SH3RF3: variants seen among roughly 807,000 people sequenced by gnomAD.
The protein encoded by SH3RF3 is E3 ubiquitin-protein ligase SH3RF3.
SH3RF3 carries 29 observed loss-of-function variants against 66.3 expected under a neutral mutation model. The ratio of observed to expected loss-of-function variants is 0.44; its 90% confidence interval spans 0.33 to 0.60. The LOEUF is 0.60. SH3RF3 is among the 20% of genes least tolerant of loss of function. The probability of loss-of-function intolerance (pLI) is 0.04; values close to 1 mark genes in which losing one functional copy is unlikely to be tolerated. For synonymous variants in SH3RF3, 583 were observed against 532.0 expected (o/e 1.10, Z -1.32); for missense variants, 1,194 against 1,190.9 (o/e 1.00, Z -0.04).
intron 1 of SH3RF3, among the ~76,000 whole-genome samples, chr2:109,130,751 C>T (rs1034934757): frequency 2.6e-5 from 4 of 152,142 alleles, no homozygotes; most frequent in Admixed American, 1.3e-4. Context: ...TGCATTCCCA[C>T]GGGGGTCATT....
chr2:109,454,225 C>T (rs746383879), intron 8 of SH3RF3, among the ~76,000 whole-genome samples: 5 of 152,188 alleles, frequency 3.3e-5, no homozygotes, highest in Non-Finnish European at 7.3e-5. Context: ...ATTTCTGTAG[C>T]TGTTCACATG....
intron 1 of SH3RF3, among the ~76,000 whole-genome samples, chr2:109,134,119 A>G (rs1394811560): frequency 1.5e-4 from 23 of 152,182 alleles, no homozygotes; most frequent in Admixed American, 1.5e-3. Flanking sequence ...GGGCACTTTG[A>G]CATATATCAC....
At position 109,490,747 on chromosome 2, in the gene SH3RF3, T is replaced by C; in HGVS notation, c.2291T>C (p.Val764Ala). The change falls in exon 9 of 10, where the codon GTG (valine) becomes GCG (alanine). Residue 764 changes from valine (V) to alanine (A), a missense_variant. Physicochemically the swap from Val to Ala is moderately conservative, Grantham distance 64. Transcript: ENST00000309415. ...ALLQGAVGPE[V>A]SSLSIHGRAG... ...CTCCAAGGTGCAGTGGGCCCCGAAG[T>C]GTCCTCACTGTCCATCCACGGCAGG... 2 of 1,536,286 alleles carry C rather than the reference T, an allele frequency of 1.3e-6. No individual in the cohort carries two copies. Among genetic ancestry groups the C allele is most frequent in the Non-Finnish European group, 1.7e-6 (2 of 1,146,286 alleles).
At chr2:109,474,478 C>G (rs571487987) in intron 8 of SH3RF3, among the ~76,000 whole-genome samples, 4 of 152,186 alleles carry the variant, frequency 2.6e-5, no homozygotes, top group African/African-American at 9.6e-5. Context: ...CAGAGCAGGC[C>G]ATGATCCCTG....
intron 1 of SH3RF3, among the ~76,000 whole-genome samples, chr2:109,337,048 T>C (rs988801731): frequency 6.6e-6 from 1 of 152,260 alleles, no homozygotes; most frequent in African/African-American, 2.4e-5. Context: ...GCTTAACATT[T>C]TTTAACATAA....
At chr2:109,253,196 T>C (rs1680136106) in intron 1 of SH3RF3, among the ~76,000 whole-genome samples, 1 of 151,988 alleles carries the variant, frequency 6.6e-6, no homozygotes, top group South Asian at 2.1e-4. Context: ...CCTGGCTAGT[T>C]TTTGTATTTT....
chr2:109,179,880 T>C (rs907294930), intron 1 of SH3RF3, among the ~76,000 whole-genome samples: 4 of 152,186 alleles, frequency 2.6e-5, no homozygotes, highest in Admixed American at 1.3e-4. Flanking sequence ...GTGCTCCTTA[T>C]CGCAGGAAAA....
At chr2:109,213,254 G>A (rs1679033939) in intron 1 of SH3RF3, among the ~76,000 whole-genome samples, 1 of 152,142 alleles carries the variant, frequency 6.6e-6, no homozygotes, top group African/African-American at 2.4e-5. Flanking sequence ...ATGTACTCAG[G>A]ACATGGCTCT....
At chr2:109,156,027 A>T (rs897277275) in intron 1 of SH3RF3, among the ~76,000 whole-genome samples, 1 of 152,126 alleles carries the variant, frequency 6.6e-6, no homozygotes, top group Admixed American at 6.5e-5. Context: ...CACTGGGGTC[A>T]TTTTGCCCCT....
intron 1 of SH3RF3, among the ~76,000 whole-genome samples, chr2:109,320,476 T>G (rs1317231477): frequency 2.6e-5 from 4 of 152,164 alleles, no homozygotes; most frequent in Non-Finnish European, 5.9e-5. Context: ...TCCTCACGTC[T>G]TCTTAACCAA....
chr2:109,434,615 T>G (rs1677348344), intron 6 of SH3RF3, among the ~76,000 whole-genome samples: 1 of 152,144 alleles, frequency 6.6e-6, no homozygotes, highest in South Asian at 2.1e-4. Context: ...AAGAGCTGGG[T>G]CCTAAGTCCA....
At position 109,391,921 on chromosome 2, in the gene SH3RF3, G is replaced by C. The variant is rs1199937354; in HGVS notation, c.946-6669G>C. 2.0e-5 allele frequency among the ~76,000 whole-genome samples: 3 copies of C among 151,938 alleles called. No homozygotes were observed. The South Asian group carries it at 6.2e-4, about 32-fold the overall frequency. ...GTGGCGTGACCTCTCAGGCTCAAGC[G>C]ATCCTCCCACCTCAGCCTCCTGAGT... On this transcript the variant is annotated intron_variant, in intron 3 of 9. Coordinates refer to ENST00000309415, the MANE Select transcript of SH3RF3 (RefSeq NM_001099289.3).
At chr2:109,227,141 G>T (rs756483836) in intron 1 of SH3RF3, among the ~76,000 whole-genome samples, 1 of 152,194 alleles carries the variant, frequency 6.6e-6, no homozygotes, top group Admixed American at 6.5e-5. Context: ...CTCCGGCTGA[G>T]TGAACTGATG....
chr2:109,372,770 G>C (rs988992398), intron 3 of SH3RF3, among the ~76,000 whole-genome samples: 12 of 152,174 alleles, frequency 7.9e-5, no homozygotes, highest in Admixed American at 4.6e-4. Flanking sequence ...ACTCAGCTCA[G>C]TGCTGGGCTC....
rs947391896 is a variant in SH3RF3, at chr2:109,503,469, A to G, written c.*1798A>G. On this transcript the variant is annotated 3_prime_UTR_variant, in exon 10 of 10. Coordinates refer to ENST00000309415, the MANE Select transcript of SH3RF3 (RefSeq NM_001099289.3). ...CTCCCCCAAGATGATAATAGATTTA[A>G]TAGACTCAAAGAAGTTGTTCAGAAT... 9 of 152,174 alleles carry G rather than the reference A, an allele frequency of 5.9e-5. No homozygotes were observed. Among genetic ancestry groups the G allele is most frequent in the Non-Finnish European group, 1.0e-4 (7 of 68,032 alleles). The allele number at this position is 152,174 out of a possible 1,614,324, so 9.4% of individuals were successfully genotyped here.
intron 3 of SH3RF3, among the ~76,000 whole-genome samples, chr2:109,372,365 CGTGT>C (rs1327574165): frequency 1.3e-5 from 2 of 152,158 alleles, no homozygotes; most frequent in Non-Finnish European, 2.9e-5. Context: ...TTGCCTATGG[CGTGT>C]GTGTCTGCCA....
At position 109,501,948 on chromosome 2, in the gene SH3RF3, G is replaced by A; in HGVS notation, c.*277G>A. The A allele has an allele frequency of 2.5e-6, 1 of 396,874 alleles. No homozygotes were observed. The highest frequency in any genetic ancestry group is 4.6e-6 in the Non-Finnish European group (1 of 216,016). 24.6% of individuals were successfully genotyped at this position (396,874 alleles called of 1,614,324 possible). A position where few individuals can be genotyped will look rare whatever the true frequency, so the allele number is the denominator to read the frequency against. On this transcript the variant is annotated 3_prime_UTR_variant, in exon 10 of 10. Transcript: ENST00000309415. ...AGCACCTTGAGGAAGAGAGGCAGGT[G>A]CCGGCGCAGGCAGGCCTGTGGCTGT...
At chr2:109,218,466 A>G (rs1172385236) in intron 1 of SH3RF3, among the ~76,000 whole-genome samples, 1 of 152,198 alleles carries the variant, frequency 6.6e-6, no homozygotes, top group Non-Finnish European at 1.5e-5. Context: ...TTTCTGCTAT[A>G]CAAACCTATG....
chr2:109,419,630 T>C lies in SH3RF3; in HGVS notation c.1391T>C (p.Leu464Pro). ...GEQGTPPKVQ[L>P]PLNVYLALYA... is the part of the protein sequence containing the mutation. ...CAGGGCACGCCTCCCAAGGTCCAGC[T>C]GCCCCTCAACGTGTGAGCTGCCCTT... Residue 464 changes from leucine to proline, a missense_variant, in exon 5 of 10, where the codon CTG (leucine) becomes CCG (proline). Coordinates refer to ENST00000309415, the MANE Select transcript of SH3RF3 (RefSeq NM_001099289.3). 6.3e-7 allele frequency: 1 copy of C among 1,581,570 alleles called. No homozygotes were observed. The highest frequency in any genetic ancestry group is 8.6e-7 in the Non-Finnish European group (1 of 1,165,412).
Sources: allele counts gnomAD v4.1 joint callset (sites outside exome capture counted in the v4.1 genomes callset), GRCh38; gene constraint gnomAD v4.1.1; transcripts MANE v1.5; gene names NCBI Gene and HGNC (gene_info 2026-07-23, HGNC 2026-07-21).